Variants in KPNA4 observed in about 807,000 individuals in gnomAD.
KPNA4 encodes karyopherin subunit alpha 4.
In KPNA4, 13 loss-of-function variants were observed where a neutral mutation model predicts 71.3. The observed-to-expected ratio is 0.18, with a 90% CI of 0.12 to 0.29. The LOEUF (loss-of-function observed/expected upper bound fraction) is 0.29, where lower values mean the gene tolerates loss of function less well. KPNA4 is among the 10% of genes least tolerant of loss of function. KPNA4 has a pLI of 1.00. For synonymous variants in KPNA4, 189 were observed against 195.2 expected, an observed-to-expected ratio of 0.97 and a Z score of 0.26; for missense variants, 334 against 603.2, an observed-to-expected ratio of 0.55 and a Z score of 4.67.
intron 12 of KPNA4, among the ~76,000 whole-genome samples, chr3:160,514,695 T>C (rs1577048431): frequency 3.9e-5 from 6 of 152,226 alleles, no homozygotes; most frequent in Non-Finnish European, 1.5e-5. Context: ...TTATTTGTAA[T>C]AGTCATTCAC....
At chr3:160,545,865 C>T (rs1216603768) in intron 1 of KPNA4, among the ~76,000 whole-genome samples, 1 of 152,136 alleles carries the variant, frequency 6.6e-6, no homozygotes, top group Admixed American at 6.5e-5. Context: ...CTGGATAGAA[C>T]TGTCAAGGAG....
rs150568783 is a variant in KPNA4, at chr3:160,528,003, G to C, written c.506C>G (p.Pro169Arg). The change falls in exon 8 of 17, where the codon CCC becomes CGC. Residue 169 changes from proline to arginine, a missense_variant. Pro to Arg is a moderately radical substitution (Grantham distance 103). Transcript: ENST00000334256. ...VPLFLRLLHS[P>R]HQNVCEQAVW... Reference sequence around the variant, plus strand: ...TGCTTGCTCACAGACATTCTGATGGGGTGAATGGAGAAGCCTCAGGAAAAG... The same window carrying C: ...TGCTTGCTCACAGACATTCTGATGGCGTGAATGGAGAAGCCTCAGGAAAAG... The C allele has an allele frequency of 1.1e-4, 180 of 1,612,208 alleles. No homozygotes were observed. Among genetic ancestry groups the C allele is most frequent in the Non-Finnish European group, 1.5e-4 (173 of 1,179,038 alleles).
intron 16 of KPNA4, among the ~76,000 whole-genome samples, chr3:160,504,185 T>C (rs769555903): frequency 8.5e-5 from 13 of 152,248 alleles, no homozygotes; most frequent in Admixed American, 3.3e-4. Flanking sequence ...TAGTCTATAA[T>C]TTTCTTTTCT....
At chr3:160,559,361 T>A (rs1456228010) in intron 1 of KPNA4, among the ~76,000 whole-genome samples, 1 of 152,192 alleles carries the variant, frequency 6.6e-6, no homozygotes, top group African/African-American at 2.4e-5. Context: ...TGACAGATTC[T>A]CAATACTTAA....
intron 1 of KPNA4, among the ~76,000 whole-genome samples, chr3:160,546,390 T>C (rs1577060710): frequency 6.6e-6 from 1 of 152,068 alleles, no homozygotes; most frequent in Non-Finnish European, 1.5e-5. Context: ...TGGAGGTGTA[T>C]GCCTGTAGTC....
chr3:160,534,718 GAAAAAAA>G (rs544384718), intron 5 of KPNA4, among the ~76,000 whole-genome samples: 33 of 73,112 alleles, frequency 4.5e-4, no homozygotes, highest in African/African-American at 1.6e-3. Context: ...CTCCATCTCA[GAAAAAAA>G]AAAAAAAAAA....
intron 1 of KPNA4, among the ~76,000 whole-genome samples, chr3:160,553,064 ACT>A (rs1381998417): frequency 1.3e-5 from 2 of 152,212 alleles, no homozygotes; most frequent in African/African-American, 4.8e-5. Context: ...CAAGGTAACC[ACT>A]CTGGAGATGA....
chr3:160,531,051 G>T, intron 6 of KPNA4, 111 bp from the exon 7 acceptor site: 1 of 715,214 alleles, frequency 1.4e-6, no homozygotes, highest in Non-Finnish European at 2.3e-6. Context: ...TGTTTCAAAA[G>T]TTATCTATCC....
chr3:160,553,583 C>T (rs149369062), intron 1 of KPNA4, among the ~76,000 whole-genome samples: 1 of 152,284 alleles, frequency 6.6e-6, no homozygotes, highest in East Asian at 1.9e-4. Flanking sequence ...ACTTCCCTAA[C>T]ATCCCTACTT....
At chr3:160,524,467 G>C (rs1028378055) in intron 10 of KPNA4, among the ~76,000 whole-genome samples, 4 of 151,818 alleles carry the variant, frequency 2.6e-5, no homozygotes, top group Non-Finnish European at 4.4e-5. Context: ...CTCAGCCACT[G>C]AGTAGCTGAG....
intron 1 of KPNA4, among the ~76,000 whole-genome samples, chr3:160,554,824 C>T (rs1037864629): frequency 1.3e-5 from 2 of 152,184 alleles, no homozygotes; most frequent in Non-Finnish European, 2.9e-5. Flanking sequence ...AAACTCAGTG[C>T]CCCTTCCCGC....
chr3:160,561,058 T>G (rs1722234232), intron 1 of KPNA4, among the ~76,000 whole-genome samples: 1 of 152,028 alleles, frequency 6.6e-6, no homozygotes, highest in African/African-American at 2.4e-5. Context: ...ACCAAGCACC[T>G]TTTTTTAAAG....
At chr3:160,541,591 CTT>C (rs1402419086) in intron 1 of KPNA4, among the ~76,000 whole-genome samples, 1 of 151,790 alleles carries the variant, frequency 6.6e-6, no homozygotes, top group East Asian at 1.9e-4. Flanking sequence ...GAATTCTACA[CTT>C]AAAATTGGTG....
intron 1 of KPNA4, among the ~76,000 whole-genome samples, chr3:160,549,531 C>G (rs188035718): frequency 4.7e-4 from 72 of 152,262 alleles, no homozygotes; most frequent in Non-Finnish European, 8.4e-4. Flanking sequence ...AAAGGACTAT[C>G]CTTTCTCCAA....
intron 1 of KPNA4, among the ~76,000 whole-genome samples, chr3:160,544,217 T>C (rs1430924669): frequency 1.3e-5 from 2 of 152,178 alleles, no homozygotes; most frequent in Non-Finnish European, 2.9e-5. Flanking sequence ...TGTGTGTGTG[T>C]GTTCATGTAT....
At chr3:160,509,733 A>G in intron 14 of KPNA4, 67 bp downstream of exon 14, 1 of 1,071,268 alleles carries the variant, frequency 9.3e-7, no homozygotes. Context: ...ACTCAAATCT[A>G]AATCAATATT....
chr3:160,531,070 T>C (rs1423236816), intron 6 of KPNA4, 130 bp from the exon 7 acceptor site: 1 of 652,618 alleles, frequency 1.5e-6, no homozygotes, highest in East Asian at 2.8e-5. Flanking sequence ...CCATCCAGCA[T>C]ATTTTTTTAA....
rs1320135531 is a variant in KPNA4 at position 160,497,183 on chromosome 3, G to A, written c.*4921C>T. The A allele has an allele frequency of 2.0e-5, 3 of 152,222 alleles. No homozygotes were observed. The highest frequency in any genetic ancestry group is 4.4e-5 in the Non-Finnish European group (3 of 68,046). The allele number at this position is 152,222 out of a possible 1,614,324, so 9.4% of individuals were successfully genotyped here. On this transcript the variant is annotated 3_prime_UTR_variant, in exon 17 of 17. Transcript: ENST00000334256. Reference sequence around the variant, plus strand: ...TAATCCCAGCACTTTGGGAAGCCGAGGTGGGCAGATCATTTGCGGTCAGGA... The same window carrying A: ...TAATCCCAGCACTTTGGGAAGCCGAAGTGGGCAGATCATTTGCGGTCAGGA...
At chr3:160,510,098 T>C (rs1721060792) in intron 13 of KPNA4, among the ~76,000 whole-genome samples, 1 of 152,166 alleles carries the variant, frequency 6.6e-6, no homozygotes, top group Non-Finnish European at 1.5e-5. Context: ...TGAGTTGATA[T>C]TATTATCTAA....
Sources: gnomAD v4.1 joint callset for allele counts (sites outside exome capture counted in the v4.1 genomes callset) on GRCh38, gnomAD v4.1.1 for gene constraint, MANE v1.5 for transcripts, NCBI Gene and HGNC (gene_info 2026-07-23, HGNC 2026-07-21) for gene names.